DRC11: variants seen among roughly 807,000 people sequenced by gnomAD.
DRC11 encodes the protein dynein regulatory complex subunit 11.
the DRC11 span, among the ~76,000 whole-genome samples, chr2:236,416,816 A>G: frequency 7.1e-6 from 1 of 141,676 alleles, no homozygotes; most frequent in Admixed American, 7.2e-5. Flanking sequence ...GCTGGAGTGC[A>G]GTGGCACATT....
chr2:236,364,036 C>T, the DRC11 span: 1 of 1,476,608 alleles, frequency 6.8e-7, no homozygotes, highest in African/African-American at 1.4e-5. Context: ...AGTGGTTCTT[C>T]AACTAGGATA....
chr2:236,331,677 G>A, the DRC11 span: 3 of 1,051,830 alleles, frequency 2.9e-6, no homozygotes, highest in Non-Finnish European at 4.3e-6. This position sits in a 1 kb window ranked among gnomAD's most constrained non-coding sequence, Gnocchi z 4.8. Context: ...GTTGAAAGTT[G>A]CATCTCATCA....
At chr2:236,493,687 T>C in the DRC11 span, 2 of 1,123,266 alleles carry the variant, frequency 1.8e-6, no homozygotes, top group Non-Finnish European at 2.5e-6. Context: ...ATAATCTAAG[T>C]GTTGCTCACA....
At chr2:236,336,773 C>T in the DRC11 span, among the ~76,000 whole-genome samples, 1 of 152,202 alleles carries the variant, frequency 6.6e-6, no homozygotes, top group African/African-American at 2.4e-5. This position sits in a 1 kb window ranked among gnomAD's most constrained non-coding sequence, Gnocchi z 7.3. Context: ...GTCCTCACCG[C>T]TCCCCGCCAG....
chr2:236,486,958 T>C, the DRC11 span: 1 of 1,339,812 alleles, frequency 7.5e-7, no homozygotes, highest in Non-Finnish European at 1.0e-6. The surrounding 1 kb of genome is among the most constrained non-coding windows in gnomAD (Gnocchi z 5.7). Flanking sequence ...AAAACATGGC[T>C]TGCAGTTTCT....
the DRC11 span, chr2:236,408,675 T>A: frequency 8.3e-6 from 6 of 721,896 alleles, no homozygotes; most frequent in South Asian, 8.4e-5. The surrounding 1 kb of genome is among the most constrained non-coding windows in gnomAD (Gnocchi z 5.5). Context: ...TTTCTTGCAG[T>A]AATTGGTAAA....
the DRC11 span, chr2:236,331,435 G>C: frequency 3.7e-6 from 6 of 1,613,970 alleles, no homozygotes; most frequent in Non-Finnish European, 5.1e-6. The surrounding 1 kb of genome is among the most constrained non-coding windows in gnomAD (Gnocchi z 4.8). Context: ...TGCAGTGAGA[G>C]GTTTATGAAT....
chr2:236,477,873 G>A, the DRC11 span, among the ~76,000 whole-genome samples: 8 of 151,934 alleles, frequency 5.3e-5, no homozygotes, highest in East Asian at 3.9e-4. Context: ...CTGTGGTATC[G>A]TTGTTAAGTC....
the DRC11 span, among the ~76,000 whole-genome samples, chr2:236,488,877 C>T: frequency 2.6e-5 from 4 of 152,150 alleles, no homozygotes; most frequent in African/African-American, 9.7e-5. Context: ...GAAAGAGGGA[C>T]AAGAACAAAG....
At chr2:236,362,257 G>T in the DRC11 span, among the ~76,000 whole-genome samples, 1 of 152,018 alleles carries the variant, frequency 6.6e-6, no homozygotes, top group Admixed American at 6.6e-5. The surrounding 1 kb of genome is among the most constrained non-coding windows in gnomAD (Gnocchi z 5.7). Flanking sequence ...CCAATGAAAG[G>T]TACAGTTGAC....
chr2:236,481,902 TTC>T, the DRC11 span, among the ~76,000 whole-genome samples: 1 of 149,396 alleles, frequency 6.7e-6, no homozygotes, highest in African/African-American at 2.5e-5. Context: ...ATATGTAGAA[TTC>T]TATGTATAAT....
At chr2:236,330,782 T>A in the DRC11 span, among the ~76,000 whole-genome samples, 1 of 152,172 alleles carries the variant, frequency 6.6e-6, no homozygotes, top group Non-Finnish European at 1.5e-5. The surrounding 1 kb of genome is among the most constrained non-coding windows in gnomAD (Gnocchi z 5.5). Flanking sequence ...GTTTGAGGAG[T>A]GCCTGCTGGC....
At chr2:236,416,746 TA>T in the DRC11 span, among the ~76,000 whole-genome samples, 1 of 59,296 alleles carries the variant, frequency 1.7e-5, no homozygotes, top group Non-Finnish European at 3.7e-5. Context: ...TATATATATA[TA>T]TATATATATA....
At chr2:236,407,919 C>A in the DRC11 span, 3 of 483,600 alleles carry the variant, frequency 6.2e-6, no homozygotes, top group African/African-American at 5.9e-5. Flanking sequence ...ATACTTTCTT[C>A]TCTTCCATGG....
chr2:236,392,516 G>C, the DRC11 span: 1 of 437,790 alleles, frequency 2.3e-6, no homozygotes, highest in South Asian at 5.4e-5. The surrounding 1 kb of genome is among the most constrained non-coding windows in gnomAD (Gnocchi z 5.1). Flanking sequence ...AAATAAGCTG[G>C]ACAGATGAGA....
the DRC11 span, among the ~76,000 whole-genome samples, chr2:236,355,837 T>C: frequency 3.3e-5 from 5 of 152,150 alleles, no homozygotes. Context: ...TCTTCTTCTA[T>C]GAGCTACAGA....
chr2:236,336,755 A>G, the DRC11 span, among the ~76,000 whole-genome samples: 1 of 151,414 alleles, frequency 6.6e-6, no homozygotes, highest in Non-Finnish European at 1.5e-5. The surrounding 1 kb of genome is among the most constrained non-coding windows in gnomAD (Gnocchi z 7.3). Context: ...TCGCCATCTT[A>G]CCTCCAAGTC....
At chr2:236,368,222 G>A in the DRC11 span, 1 of 1,610,438 alleles carries the variant, frequency 6.2e-7, no homozygotes, top group Non-Finnish European at 8.5e-7. Flanking sequence ...ACAATGTGAT[G>A]AGCTGTCTGA....
the DRC11 span, among the ~76,000 whole-genome samples, chr2:236,439,337 T>C: frequency 2.0e-5 from 3 of 152,160 alleles, no homozygotes; most frequent in Admixed American, 6.6e-5. Context: ...TATTATAGTT[T>C]TTTAAAAAAA....
Sources: allele counts gnomAD v4.1 joint callset (sites outside exome capture counted in the v4.1 genomes callset), GRCh38; gene constraint gnomAD v4.1.1; non-coding constraint Gnocchi (gnomAD v3.1); transcripts MANE v1.5; gene names NCBI Gene and HGNC (gene_info 2026-07-23, HGNC 2026-07-21).